WDFY2: variants seen among roughly 807,000 people sequenced by gnomAD.
The protein encoded by WDFY2 is WD repeat and FYVE domain containing 2, also known as WD repeat and FYVE domain-containing protein 2.
A neutral mutation model predicts 56.4 loss-of-function variants in WDFY2; 36 were observed. The ratio of observed to expected loss-of-function variants is 0.64; its 90% confidence interval spans 0.49 to 0.84. The LOEUF is 0.84. WDFY2 is among the 40% of genes least tolerant of loss of function. The probability of loss-of-function intolerance (pLI) is 0.00; values close to 1 mark genes in which losing one functional copy is unlikely to be tolerated. For synonymous variants in WDFY2, 176 were observed against 183.7 expected (o/e 0.96, Z 0.34); for missense variants, 444 against 512.2 (o/e 0.87, Z 1.29).
rs1954223883 is a variant in WDFY2, at chr13:51,599,449, C to G, written c.137+14625C>G. 7 of 158,936 alleles carry G rather than the reference C, an allele frequency of 4.4e-5. No homozygotes were observed. In the Admixed American group the frequency reaches 4.4e-4, roughly 10 times the overall value. The allele number at this position is 158,936 out of a possible 1,614,324, so 9.8% of individuals were successfully genotyped here. ...GCTGCTCACAAAGAAGGCTCAAGCA[C>G]AGCCAGCTCTATTAATGTATCTATC... is the stretch of plus-strand genomic sequence containing the variant. On this transcript the variant is annotated intron_variant, in intron 1 of 11. Transcript: ENST00000298125.
intron 4 of WDFY2, among the ~76,000 whole-genome samples, chr13:51,715,906 G>A (rs776946410): frequency 6.6e-6 from 1 of 152,082 alleles, no homozygotes; most frequent in African/African-American, 2.4e-5. Context: ...GAGCATGACA[G>A]TATTCACACA....
At chr13:51,745,714 T>C (rs1222119834) in intron 7 of WDFY2, among the ~76,000 whole-genome samples, 1 of 110,120 alleles carries the variant, frequency 9.1e-6, no homozygotes, top group Non-Finnish European at 1.7e-5. Context: ...GTGATCGTAA[T>C]AATCTCAGTG....
At chr13:51,589,300 A>G (rs1954001128) in intron 1 of WDFY2, 1 of 152,094 alleles carries the variant, frequency 6.6e-6, no homozygotes. Context: ...AATCAACAAT[A>G]CAATATGGGA....
chr13:51,619,207 C>G (rs1954680520), intron 1 of WDFY2, among the ~76,000 whole-genome samples: 4 of 152,154 alleles, frequency 2.6e-5, no homozygotes, highest in Admixed American at 2.6e-4. Flanking sequence ...AATCCCAATA[C>G]TTTGGGAGGC....
chr13:51,673,147 CAAG>C (rs368102403), intron 2 of WDFY2, among the ~76,000 whole-genome samples: 8 of 151,962 alleles, frequency 5.3e-5, no homozygotes, highest in African/African-American at 1.9e-4. Context: ...GAAAGAATAA[CAAG>C]AAATATAGGA....
intron 10 of WDFY2, 145 bp from the exon 11 acceptor site, chr13:51,758,047 G>A (rs1352996516): frequency 7.0e-6 from 3 of 425,788 alleles, no homozygotes; most frequent in African/African-American, 2.0e-5. Flanking sequence ...GGTCACCAGG[G>A]AATAAAGGCA....
chr13:51,631,613 T>C (rs1462525474), intron 1 of WDFY2, among the ~76,000 whole-genome samples: 1 of 152,134 alleles, frequency 6.6e-6, no homozygotes, highest in Non-Finnish European at 1.5e-5. Context: ...GAGAAACATT[T>C]GTTCATTTTT....
At chr13:51,607,028 T>C (rs1954396261) in intron 1 of WDFY2, among the ~76,000 whole-genome samples, 1 of 152,140 alleles carries the variant, frequency 6.6e-6, no homozygotes, top group African/African-American at 2.4e-5. Context: ...AAAAATAACC[T>C]CTAGCAGCCA....
intron 3 of WDFY2, among the ~76,000 whole-genome samples, chr13:51,676,751 T>C (rs574844358): frequency 6.6e-6 from 1 of 152,324 alleles, no homozygotes; most frequent in Non-Finnish European, 1.5e-5. Context: ...TAGAAGTTTA[T>C]GATACAAAGT....
At chr13:51,671,550 A>G (rs970623491) in intron 2 of WDFY2, among the ~76,000 whole-genome samples, 3 of 151,754 alleles carry the variant, frequency 2.0e-5, no homozygotes, top group Non-Finnish European at 4.4e-5. Context: ...CCACTTTTTG[A>G]TGGGGTTCTT....
At chr13:51,670,967 G>A (rs1955797362) in intron 2 of WDFY2, among the ~76,000 whole-genome samples, 1 of 152,100 alleles carries the variant, frequency 6.6e-6, no homozygotes, top group Non-Finnish European at 1.5e-5. Context: ...AAGAACATAC[G>A]ATGTTTGCTT....
chr13:51,749,649 A>G (rs1012650569), intron 7 of WDFY2, among the ~76,000 whole-genome samples: 1 of 152,142 alleles, frequency 6.6e-6, no homozygotes, highest in African/African-American at 2.4e-5. Flanking sequence ...TATTGACACA[A>G]CTCAAAGGTA....
At position 51,690,008 on chromosome 13, in the gene WDFY2, C is replaced by A. The variant is rs74902669; in HGVS notation, c.280-13588C>A. ...TGGGGATCTGTCTTCTGTTAAGCTG[C>A]GCATTAATGAGATTTGCTAAAATGG... On this transcript the variant is annotated intron_variant, in intron 3 of 11. Transcript: ENST00000298125. Among the ~76,000 whole-genome samples, 341 of 152,010 alleles carry A rather than the reference C, an allele frequency of 2.2e-3. 5 individuals are homozygous for A. The East Asian group carries it at 0.06, about 27-fold the overall frequency.
At chr13:51,672,119 T>C (rs947788300) in intron 2 of WDFY2, among the ~76,000 whole-genome samples, 2 of 152,182 alleles carry the variant, frequency 1.3e-5, no homozygotes, top group African/African-American at 4.8e-5. Context: ...ATGAAGTCTT[T>C]GCCTAAGCCA....
At chr13:51,705,154 G>C (rs1251604693) in intron 4 of WDFY2, among the ~76,000 whole-genome samples, 1 of 152,180 alleles carries the variant, frequency 6.6e-6, no homozygotes, top group African/African-American at 2.4e-5. Context: ...CAGCCAGTAA[G>C]GGACTGACAC....
At chr13:51,730,802 G>A (rs544401797) in intron 6 of WDFY2, among the ~76,000 whole-genome samples, 2 of 152,310 alleles carry the variant, frequency 1.3e-5, no homozygotes, top group African/African-American at 4.8e-5. Context: ...GCAAGGAGAT[G>A]TGTGAGAGCA....
intron 4 of WDFY2, among the ~76,000 whole-genome samples, chr13:51,711,958 A>G (rs1952228544): frequency 6.6e-6 from 1 of 152,262 alleles, no homozygotes; most frequent in Non-Finnish European, 1.5e-5. Context: ...CCAAAGGTTT[A>G]TAAATCATCC....
At chr13:51,756,076 GA>G in intron 9 of WDFY2, among the ~76,000 whole-genome samples, 1 of 152,248 alleles carries the variant, frequency 6.6e-6, no homozygotes, top group East Asian at 1.9e-4. Context: ...ATGATCATTG[GA>G]AAGGACCAAG....
intron 3 of WDFY2, among the ~76,000 whole-genome samples, chr13:51,676,655 T>G (rs1955892953): frequency 1.3e-5 from 2 of 152,202 alleles, no homozygotes; most frequent in Non-Finnish European, 2.9e-5. Flanking sequence ...TTGTTAAATA[T>G]AAATCAGCCT....
Sources: gnomAD v4.1 joint callset for allele counts (sites outside exome capture counted in the v4.1 genomes callset) on GRCh38, gnomAD v4.1.1 for gene constraint, MANE v1.5 for transcripts, NCBI Gene and HGNC (gene_info 2026-07-23, HGNC 2026-07-21) for gene names.